Variants in GPR39 observed in about 807,000 individuals in gnomAD.
The protein encoded by GPR39 is G protein-coupled receptor 39.
Under a neutral mutation model 18.4 loss-of-function variants are expected in GPR39, and 23 were observed. The observed-to-expected ratio is 1.25, with a 90% confidence interval of 0.90 to 1.77. GPR39 has a LOEUF of 1.77. Ranked by LOEUF, GPR39 falls within the 40% of genes most tolerant of loss-of-function variation. GPR39 has a pLI of 0.00. For missense variants in GPR39, 647 were observed against 602.4 expected (o/e 1.07, Z -0.78); for synonymous variants, 280 against 257.9 (o/e 1.09, Z -0.82).
At position 132,417,394 on chromosome 2, in the gene GPR39, T is replaced by C. The variant is rs1294377894; in HGVS notation, c.352T>C (p.Cys118Arg). ...CKLHTFLFEA[C>R]SYATLLHVLT... ...GCTGCACACTTTCCTCTTCGAGGCCTGCAGCTACGCTACGCTGCTGCACGT... is the reference window on the plus strand; with the variant it reads ...GCTGCACACTTTCCTCTTCGAGGCCCGCAGCTACGCTACGCTGCTGCACGT... Residue 118 changes from cysteine (C) to arginine (R), a missense_variant, in exon 1 of 2, where the codon TGC becomes CGC. Coordinates refer to ENST00000329321, the MANE Select transcript of GPR39 (RefSeq NM_001508.3). The C allele has an allele frequency of 3.1e-6, 5 of 1,614,112 alleles. No individual in the cohort carries two copies. The highest frequency in any genetic ancestry group is 4.2e-6 in the Non-Finnish European group (5 of 1,180,038).
intron 1 of GPR39, among the ~76,000 whole-genome samples, chr2:132,643,544 C>A (rs1157365776): frequency 6.6e-6 from 1 of 152,180 alleles, no homozygotes; most frequent in Non-Finnish European, 1.5e-5. Flanking sequence ...GAGACAGTTT[C>A]ACTCTGTCAG....
intron 1 of GPR39, among the ~76,000 whole-genome samples, chr2:132,534,123 A>C (rs1679696390): frequency 6.6e-6 from 1 of 152,232 alleles, no homozygotes; most frequent in African/African-American, 2.4e-5. Context: ...CAGAATCTAT[A>C]ATGAACTCAA....
intron 1 of GPR39, among the ~76,000 whole-genome samples, chr2:132,549,782 G>A (rs566614398): frequency 1.3e-5 from 2 of 151,354 alleles, no homozygotes; most frequent in Non-Finnish European, 2.9e-5. Context: ...GCACGACTCC[G>A]TCTCAAAAAA....
intron 1 of GPR39, among the ~76,000 whole-genome samples, chr2:132,587,411 C>A (rs1040840142): frequency 6.6e-6 from 1 of 152,190 alleles, no homozygotes; most frequent in African/African-American, 2.4e-5. Flanking sequence ...GAGCTGGGGC[C>A]AGTGTTAGTG....
chr2:132,585,110 G>T (rs1019230475), intron 1 of GPR39, among the ~76,000 whole-genome samples: 1 of 152,162 alleles, frequency 6.6e-6, no homozygotes, highest in African/African-American at 2.4e-5. Flanking sequence ...ATATTAAATA[G>T]TAAGCCCCAC....
At position 132,602,291 on chromosome 2, in the gene GPR39, A is replaced by G. The variant is rs983685924; in HGVS notation, c.857-42810A>G. ...GCCAAGAATACACACTGGGGAAAGGACACTCTCTTCAATAAATGGTGCTGG... is the reference window on the plus strand; with the variant it reads ...GCCAAGAATACACACTGGGGAAAGGGCACTCTCTTCAATAAATGGTGCTGG... On this transcript the variant is annotated intron_variant, in intron 1 of 1. Coordinates refer to ENST00000329321, the MANE Select transcript of GPR39 (RefSeq NM_001508.3). Among the ~76,000 whole-genome samples, 6 of 152,164 alleles carry G rather than the reference A, an allele frequency of 3.9e-5. No individual in the cohort carries two copies. In the East Asian group the frequency reaches 7.7e-4, roughly 20 times the overall value.
At chr2:132,540,918 T>G (rs977436421) in intron 1 of GPR39, among the ~76,000 whole-genome samples, 1 of 152,014 alleles carries the variant, frequency 6.6e-6, no homozygotes, top group South Asian at 2.1e-4. Flanking sequence ...TGACTGGTGA[T>G]GCTCCATACA....
chr2:132,585,081 T>G (rs1680700460), intron 1 of GPR39, among the ~76,000 whole-genome samples: 1 of 152,160 alleles, frequency 6.6e-6, no homozygotes, highest in Non-Finnish European at 1.5e-5. Context: ...TTGACATTCT[T>G]TACGTGGGAG....
chr2:132,630,251 GATCTATA>G (rs1681624315), intron 1 of GPR39, among the ~76,000 whole-genome samples: 1 of 152,158 alleles, frequency 6.6e-6, no homozygotes. Context: ...GGGCAATAAG[GATCTATA>G]ACAGGAAGGC....
chr2:132,550,609 C>T (rs952131779), intron 1 of GPR39, among the ~76,000 whole-genome samples: 3 of 152,162 alleles, frequency 2.0e-5, no homozygotes, highest in East Asian at 1.9e-4. Flanking sequence ...AGAAGAATTT[C>T]GTGAGCTTTT....
chr2:132,593,858 G>A (rs1361270426), intron 1 of GPR39, among the ~76,000 whole-genome samples: 1 of 152,134 alleles, frequency 6.6e-6, no homozygotes, highest in Non-Finnish European at 1.5e-5. Flanking sequence ...GAGGAAAGAA[G>A]CGCTCTCCAT....
chr2:132,425,583 A>C (rs1407212117), intron 1 of GPR39, among the ~76,000 whole-genome samples: 1 of 152,174 alleles, frequency 6.6e-6, no homozygotes, highest in East Asian at 1.9e-4. Flanking sequence ...CCAGTTATTC[A>C]ATCAAACACT....
intron 1 of GPR39, among the ~76,000 whole-genome samples, chr2:132,579,718 A>G (rs1434167049): frequency 6.6e-6 from 1 of 151,976 alleles, no homozygotes; most frequent in Admixed American, 6.6e-5. Flanking sequence ...ATTTTATTAT[A>G]TATTTTTAAT....
At position 132,590,226 on chromosome 2, in the gene GPR39, C is replaced by T. The variant is rs1379106263; in HGVS notation, c.857-54875C>T. 1.3e-5 allele frequency among the ~76,000 whole-genome samples: 2 copies of T among 152,142 alleles called. 1 individual carries two copies. The highest frequency in any genetic ancestry group is 3.9e-4 in the East Asian group (2 of 5,188). ...GTCAATTTTTGGATTTCACTGCTAG[C>T]ATTTTCTGGCTAGCAAGTTTGTTTC... On this transcript the variant is annotated intron_variant, in intron 1 of 1. Transcript: ENST00000329321.
rs375756316 is a variant in GPR39, at chr2:132,417,407, C to T, written c.365C>T (p.Thr122Met). The T allele has an allele frequency of 1.9e-6, 3 of 1,614,064 alleles. No homozygotes were observed. The highest frequency in any genetic ancestry group is 1.7e-5 in the Admixed American group (1 of 60,006). The change falls in exon 1 of 2, where the codon ACG (threonine) becomes ATG (methionine). Residue 122 changes from threonine to methionine, a missense_variant. Around this residue, in one of 3 missense-constraint regions of GPR39, gnomAD observed 581 missense variants for 506.8 expected, o/e 1.15. Coordinates refer to ENST00000329321, the MANE Select transcript of GPR39 (RefSeq NM_001508.3). ...TFLFEACSYA[T>M]LLHVLTLSFE... is the part of the protein sequence containing the mutation. ...CTCTTCGAGGCCTGCAGCTACGCTA[C>T]GCTGCTGCACGTGCTGACACTCAGC...
In GPR39 at chr2:132,644,823, T is replaced by A. The variant is rs549778402; in HGVS notation, c.857-278T>A. ...ACAAACACCAATGAAAACATTTTTT[T>A]AAAATTAACAGACATCAACTGGTAT... On this transcript the variant is annotated intron_variant, in intron 1 of 1. Coordinates refer to ENST00000329321, the MANE Select transcript of GPR39 (RefSeq NM_001508.3). The A allele has an allele frequency of 2.3e-5, 9 of 395,676 alleles. No individual in the cohort carries two copies. In the South Asian group the frequency reaches 2.3e-4, roughly 10 times the overall value. The allele number at this position is 395,676 out of a possible 1,614,324, so 24.5% of individuals were successfully genotyped here. A position where few individuals can be genotyped will look rare whatever the true frequency, so the allele number is the denominator to read the frequency against.
At chr2:132,600,326 A>G (rs560049873) in intron 1 of GPR39, among the ~76,000 whole-genome samples, 2 of 152,334 alleles carry the variant, frequency 1.3e-5, no homozygotes, top group African/African-American at 4.8e-5. Context: ...CAACCTAACA[A>G]TGCACCTCAA....
intron 1 of GPR39, among the ~76,000 whole-genome samples, chr2:132,608,893 G>C (rs961752035): frequency 2.6e-5 from 4 of 152,184 alleles, no homozygotes; most frequent in African/African-American, 7.2e-5. Flanking sequence ...CCTCAGTGAG[G>C]ATCTGGGTTT....
chr2:132,454,823 G>A (rs2104773083), intron 1 of GPR39, among the ~76,000 whole-genome samples: 1 of 152,306 alleles, frequency 6.6e-6, no homozygotes, highest in Non-Finnish European at 1.5e-5. Context: ...GCATCCCAGG[G>A]ATGAAGCCGA....
Sources: gnomAD v4.1 joint callset for allele counts (sites outside exome capture counted in the v4.1 genomes callset) on GRCh38, gnomAD v4.1.1 for gene constraint, gnomAD v4.1.1 regional missense constraint, MANE v1.5 for transcripts, NCBI Gene and HGNC (gene_info 2026-07-23, HGNC 2026-07-21) for gene names.